Variants in RGS3 observed in about 807,000 individuals in gnomAD.
RGS3 encodes regulator of G-protein signalling 3.
A neutral mutation model predicts 132.6 loss-of-function variants in RGS3; 80 were observed. That is an observed-to-expected ratio of 0.60 (90% CI 0.50 to 0.73). RGS3 has a LOEUF of 0.73. Among genes scored for constraint, RGS3 ranks in the 30% least tolerant of loss-of-function variants. The pLI is 0.00. For missense variants in RGS3, 1,382 were observed against 1,530.8 expected (o/e 0.90, Z 1.62); for synonymous variants, 598 against 620.6 (o/e 0.96, Z 0.54).
At chr9:113,585,349 A>G (rs996094749) in intron 20 of RGS3, among the ~76,000 whole-genome samples, 3 of 152,234 alleles carry the variant, frequency 2.0e-5, no homozygotes, top group Non-Finnish European at 4.4e-5. Flanking sequence ...ACATCCCAGA[A>G]TGGTTGAGGA....
chr9:113,551,898 T>C (rs1833355534), intron 19 of RGS3, among the ~76,000 whole-genome samples: 1 of 152,176 alleles, frequency 6.6e-6, no homozygotes, highest in Admixed American at 6.5e-5. Context: ...GGCTGTAGCA[T>C]TCTACTTTCC....
chr9:113,517,503 T>C, intron 15 of RGS3, 38 bp from the exon 14 acceptor site: 1 of 1,574,376 alleles, frequency 6.4e-7, no homozygotes, highest in South Asian at 1.1e-5. Flanking sequence ...TCACCCAGCC[T>C]CTTTTTGAAC....
chr9:113,516,305 C>T (rs1312038646), intron 15 of RGS3, among the ~76,000 whole-genome samples: 1 of 152,022 alleles, frequency 6.6e-6, no homozygotes, highest in East Asian at 1.9e-4. Flanking sequence ...TCTTCTCTTT[C>T]TTAGCATGTG....
chr9:113,593,972 C>T (rs200242371), intron 21 of RGS3: 342 of 1,612,890 alleles, frequency 2.1e-4, no homozygotes, highest in South Asian at 1.4e-4. Context: ...CCTGCCGGGG[C>T]GGCCCCAGAG....
rs185660456 is a variant in RGS3 at position 113,574,318 on chromosome 9, A to G, written c.2038-9132A>G. 2.8e-4 allele frequency among the ~76,000 whole-genome samples: 43 copies of G among 152,316 alleles called. 1 individual carries two copies. The highest frequency in any genetic ancestry group is 6.8e-3 in the Middle Eastern group (2 of 294). ...CCCTGCTGGCTCTGGCTCAGCCTGG[A>G]ATATCCTGTCCCATCTTTTCCCCCC... On this transcript the variant is annotated intron_variant, in intron 19 of 24. Transcript: ENST00000350696.
chr9:113,511,482 G>A (rs567211083), intron 14 of RGS3, among the ~76,000 whole-genome samples: 1 of 151,972 alleles, frequency 6.6e-6, no homozygotes, highest in Non-Finnish European at 1.5e-5. Context: ...TTGGGCACAA[G>A]GGCATGACTG....
At chr9:113,541,488 C>T in intron 19 of RGS3, 1 of 1,590,550 alleles carries the variant, frequency 6.3e-7, no homozygotes, top group Non-Finnish European at 8.6e-7. Flanking sequence ...CATCCCCTAC[C>T]ACACAGTAAC....
rs766096327 is a variant in RGS3, at chr9:113,463,932, C to T, written c.415+1731C>T. The T allele has an allele frequency of 1.9e-6, 3 of 1,587,340 alleles. No individual in the cohort carries two copies. The highest frequency in any genetic ancestry group is 2.6e-6 in the Non-Finnish European group (3 of 1,160,250). Reference sequence around the variant, plus strand: ...AGGGGCTGCTTCACCCTGCTCCCAGCGCCCAGAAACGCAGCCCCTCGTGGT... The same window carrying T: ...AGGGGCTGCTTCACCCTGCTCCCAGTGCCCAGAAACGCAGCCCCTCGTGGT... On this transcript the variant is annotated intron_variant, in intron 3 of 24. Transcript: ENST00000350696. The surrounding 1 kb of genome is among the most constrained non-coding windows in gnomAD (Gnocchi z 4.6).
At chr9:113,467,326 T>C (rs567421525) in intron 3 of RGS3, among the ~76,000 whole-genome samples, 1 of 152,220 alleles carries the variant, frequency 6.6e-6, no homozygotes, top group South Asian at 2.1e-4. Context: ...AAAGTAGGTG[T>C]ATCATTTTAT....
At chr9:113,493,322 A>G (rs1435089771) in intron 7 of RGS3, among the ~76,000 whole-genome samples, 1 of 152,082 alleles carries the variant, frequency 6.6e-6, no homozygotes, top group East Asian at 1.9e-4. Context: ...TCCTTTTTGA[A>G]TAGATTATTA....
intron 21 of RGS3, chr9:113,593,680 G>T: frequency 1.8e-6 from 1 of 553,936 alleles, no homozygotes; most frequent in Non-Finnish European, 3.2e-6. Context: ...TGTACAGGGG[G>T]TCTAGGGAAA....
chr9:113,497,931 G>A, intron 9 of RGS3, 94 bp from the exon 8 acceptor site: 1 of 1,303,162 alleles, frequency 7.7e-7, no homozygotes, highest in South Asian at 1.2e-5. Context: ...GCAGCCCCAT[G>A]GGCCTGTTTC....
intron 10 of RGS3, among the ~76,000 whole-genome samples, chr9:113,500,845 G>T (rs940208519): frequency 6.6e-6 from 1 of 151,840 alleles, no homozygotes; most frequent in Non-Finnish European, 1.5e-5. Flanking sequence ...CTGCCACCAC[G>T]CCCAGCTAAT....
exon 16 of RGS3, chr9:113,517,567 G>T (rs1293711637): frequency 6.2e-7 from 1 of 1,613,510 alleles, no homozygotes; most frequent in Non-Finnish European, 8.5e-7. Context: ...ATCCTGCCCG[G>T]ACCCTCCTGC....
At chr9:113,510,928 A>C (rs1323828128) in intron 14 of RGS3, among the ~76,000 whole-genome samples, 1 of 152,220 alleles carries the variant, frequency 6.6e-6, no homozygotes, top group Non-Finnish European at 1.5e-5. Flanking sequence ...CCTTAAACAC[A>C]CTTGGGATTG....
At chr9:113,519,821 C>T (rs1831852137) in intron 16 of RGS3, among the ~76,000 whole-genome samples, 1 of 152,148 alleles carries the variant, frequency 6.6e-6, no homozygotes, top group African/African-American at 2.4e-5. Flanking sequence ...CATCTGTGAG[C>T]TGATCCAGTC....
At chr9:113,594,207 G>A (rs557984621) in intron 21 of RGS3, 3 of 1,612,890 alleles carry the variant, frequency 1.9e-6, no homozygotes, top group Middle Eastern at 1.7e-4. Context: ...GACGCGGGGT[G>A]GGGGACAGGA....
chr9:113,503,522 GC>G (rs1831000297), intron 10 of RGS3: 1 of 152,300 alleles, frequency 6.6e-6, no homozygotes, highest in Non-Finnish European at 1.5e-5. Context: ...AGGGTGAGGG[GC>G]CCCCAGCCCA....
chr9:113,536,576 G>A (rs1832685410), intron 18 of RGS3: 9 of 1,364,122 alleles, frequency 6.6e-6, no homozygotes, highest in South Asian at 1.5e-5. Flanking sequence ...CCCCCAACCT[G>A]TGGGCCCACA....
Sources: allele counts gnomAD v4.1 joint callset (sites outside exome capture counted in the v4.1 genomes callset), GRCh38; gene constraint gnomAD v4.1.1; non-coding constraint Gnocchi (gnomAD v3.1); transcripts MANE v1.5; gene names NCBI Gene and HGNC (gene_info 2026-07-23, HGNC 2026-07-21).